Variants in NALCN observed in about 807,000 individuals in gnomAD.
NALCN encodes sodium leak channel, non-selective, also known as sodium leak channel NALCN.
In NALCN, 111 loss-of-function variants were observed where a neutral mutation model predicts 225.3. The observed-to-expected ratio is 0.49, with a 90% confidence interval of 0.42 to 0.58. The LOEUF (loss-of-function observed/expected upper bound fraction) is 0.58. Ranked by LOEUF, NALCN falls within the 20% of genes least tolerant of loss-of-function variation. NALCN has a pLI of 0.00. For missense variants in NALCN, 1,378 were observed against 2,202.4 expected (o/e 0.63, Z 7.49); for synonymous variants, 764 against 769.0 (o/e 0.99, Z 0.11).
At chr13:101,144,724 T>C (rs1440751355) in intron 16 of NALCN, 36 bp downstream of exon 16, 2 of 1,588,008 alleles carry the variant, frequency 1.3e-6, no homozygotes, top group African/African-American at 2.7e-5. Context: ...TTTTACAATA[T>C]ATGTGAAATA....
At chr13:101,184,844 A>G (rs2039382783) in intron 14 of NALCN, among the ~76,000 whole-genome samples, 1 of 152,052 alleles carries the variant, frequency 6.6e-6, no homozygotes, top group Non-Finnish European at 1.5e-5. Context: ...ACCTTACCCT[A>G]TATAGCTTTC....
At chr13:101,191,316 T>C (rs1269385359) in intron 14 of NALCN, among the ~76,000 whole-genome samples, 4 of 152,038 alleles carry the variant, frequency 2.6e-5, no homozygotes. Flanking sequence ...TGGAAGTATA[T>C]TGAAGAGAAA....
intron 13 of NALCN, among the ~76,000 whole-genome samples, chr13:101,226,359 G>A (rs559767563): frequency 6.6e-6 from 1 of 152,096 alleles, no homozygotes; most frequent in African/African-American, 2.4e-5. Context: ...AATACCCTTA[G>A]TCTGTAAGAG....
intron 43 of NALCN, among the ~76,000 whole-genome samples, chr13:101,056,246 C>CTTTTTTT (rs34583741): frequency 2.2e-5 from 1 of 45,828 alleles, no homozygotes; most frequent in African/African-American, 9.2e-5. Flanking sequence ...AGTGGAAGTA[C>CTTTTTTT]TTTTTTTTTT....
intron 7 of NALCN, among the ~76,000 whole-genome samples, chr13:101,308,663 G>A (rs577170382): frequency 6.6e-6 from 1 of 152,186 alleles, no homozygotes; most frequent in Non-Finnish European, 1.5e-5. Flanking sequence ...TCTCAGAAAC[G>A]GCTGATGTTC....
intron 6 of NALCN, among the ~76,000 whole-genome samples, chr13:101,360,373 C>T (rs2046218953): frequency 6.6e-6 from 1 of 151,980 alleles, no homozygotes. Flanking sequence ...GCTGGGATCA[C>T]AGGTGCACAG....
intron 2 of NALCN, among the ~76,000 whole-genome samples, chr13:101,397,855 T>C (rs6491606): frequency 0.11 from 16,381 of 152,050 alleles, 1,096 homozygotes; most frequent in African/African-American, 0.18. Context: ...CTGTCTGTGG[T>C]GGAAATAAGC....
At chr13:101,085,334 C>T (rs2033877743) in intron 30 of NALCN, among the ~76,000 whole-genome samples, 1 of 151,776 alleles carries the variant, frequency 6.6e-6, no homozygotes, top group Admixed American at 6.6e-5. Flanking sequence ...CACTTGGTGG[C>T]TAATGGGATG....
At chr13:101,200,730 T>C in intron 13 of NALCN, among the ~76,000 whole-genome samples, 1 of 152,038 alleles carries the variant, frequency 6.6e-6, no homozygotes, top group Non-Finnish European at 1.5e-5. Context: ...AAGAACCCAT[T>C]TCTGACCCTA....
chr13:101,237,913 T>C lies in NALCN; in HGVS notation c.1276A>G (p.Thr426Ala). Reference sequence around the variant, plus strand: ...AGTGCTTCCAAATCAAAAAGTACTGTAAAAGCCACCTAGAGAAACAAAGAA... The same window carrying C: ...AGTGCTTCCAAATCAAAAAGTACTGCAAAAGCCACCTAGAGAAACAAAGAA... The part of the protein sequence containing the change: ...DEFYLAEVAF[T>A]VLFDLEALLK... The change falls in exon 12 of 44, where the codon ACA becomes GCA. Residue 426 changes from threonine to alanine, a missense_variant. By Grantham distance (58) the Thr-to-Ala change is moderately conservative (BLOSUM62 0). Transcript: ENST00000251127. The C allele has an allele frequency of 6.2e-7, 1 of 1,603,484 alleles. No homozygotes were observed. Among genetic ancestry groups the C allele is most frequent in the South Asian group, 1.1e-5 (1 of 88,774 alleles).
At chr13:101,381,497 T>C (rs1338050) in intron 3 of NALCN, among the ~76,000 whole-genome samples, 76,999 of 151,914 alleles carry the variant, frequency 0.51, 21,530 homozygotes, top group African/African-American at 0.75. Context: ...ACAGATAACA[T>C]AGCCCATATA....
chr13:101,111,611 C>T (rs976910823), intron 18 of NALCN, among the ~76,000 whole-genome samples: 3 of 152,098 alleles, frequency 2.0e-5, no homozygotes, highest in African/African-American at 4.8e-5. Context: ...TCCCATGTGT[C>T]GTGGGAGGGA....
intron 10 of NALCN, among the ~76,000 whole-genome samples, chr13:101,259,497 CTAAT>C (rs1190743655): frequency 2.0e-5 from 3 of 151,312 alleles, no homozygotes; most frequent in African/African-American, 7.3e-5. Flanking sequence ...CCACGTCTGG[CTAAT>C]TTTTTTGTAT....
At position 101,096,688 on chromosome 13, in the gene NALCN, T is replaced by C. The variant is rs1033277928; in HGVS notation, c.3163-1008A>G. ...TGAATACGCTAAAAAACCATTGAAT[T>C]GAACACTTGAAGTGGGTGTATTGTG... is the stretch of plus-strand genomic sequence containing the variant. On this transcript the variant is annotated intron_variant, in intron 27 of 43. Transcript: ENST00000251127. Among the ~76,000 whole-genome samples the C allele has an allele frequency of 1.9e-4, 29 of 152,174 alleles. 1 individual carries two copies. Among genetic ancestry groups the C allele is most frequent in the African/African-American group, 7.0e-4 (29 of 41,432 alleles).
At chr13:101,090,702 T>C (rs1425626239) in intron 28 of NALCN, among the ~76,000 whole-genome samples, 4 of 152,208 alleles carry the variant, frequency 2.6e-5, no homozygotes, top group East Asian at 1.9e-4. Flanking sequence ...CTGAAACTCA[T>C]TGGCTTATTC....
chr13:101,283,793 GA>G (rs2043247515), intron 10 of NALCN, 139 bp downstream of exon 10: 2 of 631,726 alleles, frequency 3.2e-6, no homozygotes, highest in East Asian at 6.2e-5. Context: ...GGGAATAGAG[GA>G]AGGAGTGAAA....
At chr13:101,354,838 T>C (rs1326701809) in intron 6 of NALCN, among the ~76,000 whole-genome samples, 1 of 152,128 alleles carries the variant, frequency 6.6e-6, no homozygotes. Flanking sequence ...CCTTTCAAGG[T>C]GGCCAGACAT....
chr13:101,315,192 G>T (rs1302069238), intron 7 of NALCN, among the ~76,000 whole-genome samples: 1 of 152,070 alleles, frequency 6.6e-6, no homozygotes, highest in Non-Finnish European at 1.5e-5. Context: ...TGCCAATGTG[G>T]TTTTAACTTA....
rs143852597 is a variant in NALCN at position 101,339,452 on chromosome 13, C to G, written c.799+5814G>C. 4.3e-3 allele frequency among the ~76,000 whole-genome samples: 655 copies of G among 152,240 alleles called. 2 individuals are homozygous for G. Among genetic ancestry groups the G allele is most frequent in the Non-Finnish European group, 6.9e-3 (467 of 68,024 alleles). Reference sequence around the variant, plus strand: ...TCCTTAGGAAGGAGCCACAGGAAAGCTATCCAGAAATAAAGATGGAAAGGT... The same window carrying G: ...TCCTTAGGAAGGAGCCACAGGAAAGGTATCCAGAAATAAAGATGGAAAGGT... On this transcript the variant is annotated intron_variant, in intron 7 of 43. Transcript: ENST00000251127.
Sources: allele counts gnomAD v4.1 joint callset (sites outside exome capture counted in the v4.1 genomes callset), GRCh38; gene constraint gnomAD v4.1.1; transcripts MANE v1.5; gene names NCBI Gene and HGNC (gene_info 2026-07-23, HGNC 2026-07-21).